Variants in KAZN observed in about 807,000 individuals in gnomAD.
KAZN encodes kazrin, periplakin interacting protein, also known as kazrin.
A neutral mutation model predicts 87.4 loss-of-function variants in KAZN; 40 were observed. The ratio of observed to expected loss-of-function variants is 0.46; its 90% CI spans 0.36 to 0.60. The LOEUF is 0.60. Among genes scored for constraint, KAZN ranks in the 20% least tolerant of loss-of-function variants. The probability of loss-of-function intolerance (pLI) is 0.00; values close to 1 mark genes in which losing one functional copy is unlikely to be tolerated. For synonymous variants in KAZN, 466 were observed against 458.3 expected (o/e 1.02, Z -0.22); for missense variants, 898 against 1,073.9 (o/e 0.84, Z 2.29).
At chr1:14,921,379 T>A (rs118102069) in intron 1 of KAZN, among the ~76,000 whole-genome samples, 1 of 152,190 alleles carries the variant, frequency 6.6e-6, no homozygotes, top group East Asian at 1.9e-4. Context: ...ACATAAAGAC[T>A]TTTAGATATG....
intron 2 of KAZN, among the ~76,000 whole-genome samples, chr1:14,968,155 C>T (rs1664651930): frequency 6.6e-6 from 1 of 152,046 alleles, no homozygotes; most frequent in Non-Finnish European, 1.5e-5. Context: ...TTTCCTGCAA[C>T]TAGATGGTCC....
chr1:14,643,873 A>G (rs1242752868), intron 1 of KAZN, among the ~76,000 whole-genome samples: 1 of 152,126 alleles, frequency 6.6e-6, no homozygotes, highest in East Asian at 1.9e-4. Flanking sequence ...GACCAGTATG[A>G]GATGGTATCT....
intron 1 of KAZN, among the ~76,000 whole-genome samples, chr1:14,809,343 G>C (rs1572540654): frequency 6.6e-6 from 1 of 152,338 alleles, no homozygotes; most frequent in East Asian, 1.9e-4. Flanking sequence ...CAAATGCCTA[G>C]ACAGCTGTGC....
At chr1:15,089,761 A>AG (rs1640445398) in intron 8 of KAZN, among the ~76,000 whole-genome samples, 1 of 145,804 alleles carries the variant, frequency 6.9e-6, no homozygotes, top group Non-Finnish European at 1.5e-5. Flanking sequence ...AAAAAAAAAA[A>AG]AGAGAAGTTC....
chr1:14,395,767 G>A (rs755126220), intron 2 of KAZN, among the ~76,000 whole-genome samples: 1 of 152,082 alleles, frequency 6.6e-6, no homozygotes, highest in Non-Finnish European at 1.5e-5. Flanking sequence ...GTTAGAAGAC[G>A]GATACTAGTG....
At chr1:14,668,644 T>C (rs1257454160) in intron 1 of KAZN, among the ~76,000 whole-genome samples, 31 of 152,120 alleles carry the variant, frequency 2.0e-4, no homozygotes, top group Non-Finnish European at 1.3e-4. Flanking sequence ...AGGTGTTGCC[T>C]CCTCCCCTCC....
At chr1:14,838,305 A>G (rs1310471183) in intron 1 of KAZN, among the ~76,000 whole-genome samples, 1 of 152,214 alleles carries the variant, frequency 6.6e-6, no homozygotes, top group African/African-American at 2.4e-5. Flanking sequence ...TCACATTGAT[A>G]AGTTTCAACA....
chr1:14,296,115 G>T (rs1654094549), intron 2 of KAZN, among the ~76,000 whole-genome samples: 1 of 152,198 alleles, frequency 6.6e-6, no homozygotes, highest in African/African-American at 2.4e-5. Flanking sequence ...GCCAAGCTTA[G>T]AGGACATACC....
At chr1:14,922,181 A>G (rs1248637706) in intron 1 of KAZN, among the ~76,000 whole-genome samples, 1 of 152,240 alleles carries the variant, frequency 6.6e-6, no homozygotes, top group African/African-American at 2.4e-5. Context: ...ATAATATAAC[A>G]TAAATGCCCT....
chr1:14,932,336 T>C (rs1486947010), intron 1 of KAZN, among the ~76,000 whole-genome samples: 1 of 152,066 alleles, frequency 6.6e-6, no homozygotes, highest in East Asian at 1.9e-4. Flanking sequence ...TGCTTGTCTG[T>C]GCTTCCTCTG....
chr1:14,953,035 C>A (rs1028009398), intron 1 of KAZN, among the ~76,000 whole-genome samples: 1 of 151,776 alleles, frequency 6.6e-6, no homozygotes. Context: ...AGCTGGCTGA[C>A]CCCAAACCTG....
intron 2 of KAZN, among the ~76,000 whole-genome samples, chr1:14,591,562 A>C (rs1356008938): frequency 6.6e-6 from 1 of 152,164 alleles, no homozygotes; most frequent in Non-Finnish European, 1.5e-5. Context: ...GTCTATTAAT[A>C]TTTATCAATT....
intron 1 of KAZN, among the ~76,000 whole-genome samples, chr1:13,902,372 T>G (rs1639282260): frequency 6.6e-6 from 1 of 152,210 alleles, no homozygotes; most frequent in Non-Finnish European, 1.5e-5. Flanking sequence ...GGGTATATAC[T>G]TAGCATTTAG....
At chr1:13,958,761 C>T (rs535733873) in intron 1 of KAZN, among the ~76,000 whole-genome samples, 1 of 152,024 alleles carries the variant, frequency 6.6e-6, no homozygotes, top group East Asian at 1.9e-4. Context: ...GGAGGCAGAC[C>T]TGGAAGAGCC....
intron 1 of KAZN, among the ~76,000 whole-genome samples, chr1:14,611,652 G>A (rs989538624): frequency 2.0e-5 from 3 of 149,976 alleles, no homozygotes; most frequent in African/African-American, 7.4e-5. Context: ...TTGCATCGCT[G>A]CACTCCAGCT....
chr1:14,253,169 T>C (rs2100620768), intron 2 of KAZN, among the ~76,000 whole-genome samples: 1 of 150,978 alleles, frequency 6.6e-6, no homozygotes, highest in East Asian at 1.9e-4. Flanking sequence ...TAGAGTTATA[T>C]AGTCCAGCTG....
intron 1 of KAZN, among the ~76,000 whole-genome samples, chr1:14,817,966 C>T (rs538679035): frequency 6.6e-6 from 1 of 152,300 alleles, no homozygotes; most frequent in African/African-American, 2.4e-5. Context: ...CAATTCTCAG[C>T]GGTTTTGCTC....
intron 1 of KAZN, among the ~76,000 whole-genome samples, chr1:14,846,355 T>C (rs2100957150): frequency 6.6e-6 from 1 of 152,202 alleles, no homozygotes; most frequent in African/African-American, 2.4e-5. Context: ...GATCTAGGTA[T>C]AACCCAAGTG....
At chr1:14,210,255 T>TC (rs1328260374) in intron 2 of KAZN, among the ~76,000 whole-genome samples, 1 of 152,168 alleles carries the variant, frequency 6.6e-6, no homozygotes, top group Non-Finnish European at 1.5e-5. Flanking sequence ...AAAGGCCAGT[T>TC]CCCCTGCACA....
Sources: gnomAD v4.1 joint callset for allele counts (sites outside exome capture counted in the v4.1 genomes callset) on GRCh38, gnomAD v4.1.1 for gene constraint, MANE v1.5 for transcripts, NCBI Gene and HGNC (gene_info 2026-07-23, HGNC 2026-07-21) for gene names.